SLC38A6: variants seen among roughly 807,000 people sequenced by gnomAD.
SLC38A6 encodes the protein solute carrier family 38 member 6, also known as N system amino acid transporter NAT-1.
A neutral mutation model predicts 65.0 loss-of-function variants in SLC38A6; 73 were observed. The ratio of observed to expected loss-of-function variants is 1.12; its 90% CI spans 0.93 to 1.37. The LOEUF (loss-of-function observed/expected upper bound fraction) is 1.37. SLC38A6 is among the 40% of genes most tolerant of loss of function. The probability of loss-of-function intolerance (pLI) is 0.00; values close to 1 mark genes in which losing one functional copy is unlikely to be tolerated. For synonymous variants in SLC38A6, 183 were observed against 178.8 expected (o/e 1.02, Z -0.19); for missense variants, 561 against 531.1 (o/e 1.06, Z -0.55).
At chr14:61,018,463 A>G (rs1429059894) in intron 4 of SLC38A6, among the ~76,000 whole-genome samples, 1 of 152,140 alleles carries the variant, frequency 6.6e-6, no homozygotes, top group Non-Finnish European at 1.5e-5. Flanking sequence ...AATAACTTAG[A>G]TTGTTTTCAG....
At chr14:61,066,098 A>G (rs185771344) in intron 15 of SLC38A6, among the ~76,000 whole-genome samples, 3 of 152,328 alleles carry the variant, frequency 2.0e-5, no homozygotes, top group Admixed American at 2.0e-4. Context: ...AGGTGTCATA[A>G]TTTTTGACCT....
chr14:61,036,658 A>G (rs1022782672), intron 6 of SLC38A6, among the ~76,000 whole-genome samples: 1 of 152,190 alleles, frequency 6.6e-6, no homozygotes, highest in Admixed American at 6.5e-5. Context: ...AGTCTTTTAT[A>G]AGTGTTTTCA....
intron 15 of SLC38A6, among the ~76,000 whole-genome samples, chr14:61,061,072 C>G (rs1046661981): frequency 3.9e-5 from 6 of 152,038 alleles, no homozygotes; most frequent in Non-Finnish European, 8.8e-5. Context: ...ATGCAGAAAT[C>G]ACCCGTCTTC....
chr14:61,066,667 C>T (rs1486710004), intron 15 of SLC38A6, among the ~76,000 whole-genome samples: 4 of 152,156 alleles, frequency 2.6e-5, no homozygotes, highest in African/African-American at 9.7e-5. Context: ...TATCAAAATC[C>T]ATGCACATTC....
At chr14:60,987,777 C>G (rs2037561615) in intron 3 of SLC38A6, among the ~76,000 whole-genome samples, 1 of 152,196 alleles carries the variant, frequency 6.6e-6, no homozygotes, top group Non-Finnish European at 1.5e-5. Context: ...ATGTCACTGT[C>G]AACTGGAGAG....
chr14:61,015,985 A>G (rs1417627129), intron 4 of SLC38A6, 29 bp downstream of exon 4: 2 of 1,573,808 alleles, frequency 1.3e-6, no homozygotes, highest in East Asian at 2.3e-5. Flanking sequence ...CATTGTGTCC[A>G]AAACCCAAAG....
chr14:61,020,620 T>C (rs1041849324), intron 5 of SLC38A6, among the ~76,000 whole-genome samples: 1 of 152,142 alleles, frequency 6.6e-6, no homozygotes, highest in Admixed American at 6.5e-5. Context: ...ATAAAAAGAA[T>C]GCTTTCTTGC....
chr14:61,071,625 G>A (rs1350374085), intron 15 of SLC38A6, among the ~76,000 whole-genome samples: 1 of 151,782 alleles, frequency 6.6e-6, no homozygotes, highest in Non-Finnish European at 1.5e-5. Context: ...TGAGGCTGCA[G>A]TGAGTTGTGA....
chr14:61,041,638 G>A (rs2041821442), intron 8 of SLC38A6, among the ~76,000 whole-genome samples: 4 of 152,220 alleles, frequency 2.6e-5, no homozygotes, highest in Admixed American at 6.5e-5. Flanking sequence ...AGTGGCTCAC[G>A]CCTGTAATCC....
At chr14:61,001,966 A>G (rs988424833) in intron 3 of SLC38A6, 2 of 152,010 alleles carry the variant, frequency 1.3e-5, no homozygotes, top group Non-Finnish European at 2.9e-5. Context: ...GTACCTTTAC[A>G]TTGTCAGATT....
At chr14:60,982,750 C>G in intron 2 of SLC38A6, 112 bp downstream of exon 2, 1 of 1,253,444 alleles carries the variant, frequency 8.0e-7, no homozygotes, top group South Asian at 1.6e-5. Flanking sequence ...TTAGTTATTT[C>G]TGGGGTTTTA....
chr14:61,083,547 A>C, intron 16 of SLC38A6: 1 of 1,548,298 alleles, frequency 6.5e-7, no homozygotes. Context: ...GTGTTCTTGT[A>C]AGAAAAGGAA....
chr14:60,992,742 A>G (rs2037997175), intron 3 of SLC38A6, among the ~76,000 whole-genome samples: 2 of 151,762 alleles, frequency 1.3e-5, no homozygotes, highest in African/African-American at 2.4e-5. Flanking sequence ...GATGGAGTGC[A>G]GTGGCGCGAT....
chr14:60,994,814 G>T lies in SLC38A6; in HGVS notation c.310+10011G>T, dbSNP rs374264135. Reference sequence around the variant, plus strand: ...AGGTCAGGAGATCAAGACCAGCCTGGCCAACATGGTGAAACCCCGTCTCTA... The same window carrying T: ...AGGTCAGGAGATCAAGACCAGCCTGTCCAACATGGTGAAACCCCGTCTCTA... On this transcript the variant is annotated intron_variant, in intron 3 of 15. Coordinates refer to ENST00000267488, the MANE Select transcript of SLC38A6 (RefSeq NM_153811.3). Among the ~76,000 whole-genome samples, 81 of 151,370 alleles carry T rather than the reference G, an allele frequency of 5.4e-4. 2 individuals are homozygous for T. The South Asian group carries it at 0.015, about 28-fold the overall frequency.
chr14:60,983,257 A>G (rs942340535), intron 2 of SLC38A6, among the ~76,000 whole-genome samples: 2 of 152,222 alleles, frequency 1.3e-5, no homozygotes, highest in Non-Finnish European at 2.9e-5. Context: ...ACTGGAGGTC[A>G]AGGCAGGCGG....
At chr14:61,022,196 G>T (rs537325804) in intron 5 of SLC38A6, among the ~76,000 whole-genome samples, 56 of 152,152 alleles carry the variant, frequency 3.7e-4, no homozygotes, top group African/African-American at 1.3e-3. Context: ...AGATGATTTG[G>T]CCCTTTCTTA....
At position 60,981,346 on chromosome 14, in the gene SLC38A6, A is replaced by G. The variant is rs2036995123; in HGVS notation, c.69A>G (p.Glu23=). Reference sequence around the variant, plus strand: ...ATGTCTCTGTCCAGCAGCCTGAAGAAGCGGAGGCCGAAGAGTTGAGTCCGT... The same window carrying G: ...ATGTCTCTGTCCAGCAGCCTGAAGAGGCGGAGGCCGAAGAGTTGAGTCCGT... ...GWYVSVQQPE[E]AEAEELSPLL... is the part of the protein sequence containing the mutation. Residue 23 remains glutamate (E), a synonymous_variant, in exon 1 of 16, where the codon GAA becomes GAG. Transcript: ENST00000267488. The G allele has an allele frequency of 6.2e-7, 1 of 1,609,904 alleles. No homozygotes were observed. The highest frequency in any genetic ancestry group is 1.3e-5 in the African/African-American group (1 of 74,888).
At chr14:61,036,796 T>C (rs1190820745) in intron 6 of SLC38A6, among the ~76,000 whole-genome samples, 1 of 152,192 alleles carries the variant, frequency 6.6e-6, no homozygotes, top group East Asian at 1.9e-4. Flanking sequence ...TTGACTATTA[T>C]CTTATTTTTA....
At chr14:61,019,762 G>A (rs1480201149) in intron 5 of SLC38A6, among the ~76,000 whole-genome samples, 182 bp downstream of exon 5, 1 of 151,692 alleles carries the variant, frequency 6.6e-6, no homozygotes, top group Non-Finnish European at 1.5e-5. Context: ...TGTGACAGTA[G>A]CTTCTAAATT....
Sources: gnomAD v4.1 joint callset for allele counts (sites outside exome capture counted in the v4.1 genomes callset) on GRCh38, gnomAD v4.1.1 for gene constraint, MANE v1.5 for transcripts, NCBI Gene and HGNC (gene_info 2026-07-23, HGNC 2026-07-21) for gene names.